LRRK2: variants seen among roughly 807,000 people sequenced by gnomAD.
The protein encoded by LRRK2 is leucine-rich repeat serine/threonine-protein kinase 2.
Under a neutral mutation model 302.6 loss-of-function variants are expected in LRRK2, and 203 were observed. The observed-to-expected ratio is 0.67, with a 90% CI of 0.60 to 0.75. The LOEUF (loss-of-function observed/expected upper bound fraction) is 0.75. LRRK2 is among the 30% of genes least tolerant of loss of function. LRRK2 has a pLI of 0.00. For synonymous variants in LRRK2, 1,066 were observed against 1,031.9 expected (o/e 1.03, Z -0.63); for missense variants, 2,830 against 2,951.0 (o/e 0.96, Z 0.95).
At chr12:40,287,244 G>T (rs1943962523) in intron 19 of LRRK2, 107 bp from the exon 20 acceptor site, 1 of 976,692 alleles carries the variant, frequency 1.0e-6, no homozygotes, top group East Asian at 2.6e-5. Context: ...AGGAAAAATA[G>T]AAATATTCTC....
chr12:40,275,044 T>C, intron 16 of LRRK2, 51 bp downstream of exon 16: 4 of 1,604,782 alleles, frequency 2.5e-6, no homozygotes, highest in Non-Finnish European at 3.4e-6. Flanking sequence ...AATTTCACTT[T>C]TGGAGCAGTT....
intron 34 of LRRK2, 64 bp from the exon 35 acceptor site, chr12:40,320,970 C>A: frequency 6.5e-7 from 1 of 1,549,066 alleles, no homozygotes; most frequent in South Asian, 1.1e-5. Context: ...GCAGTAAAAT[C>A]ATTTGCTCAA....
chr12:40,340,729 T>G (rs1946013490), intron 41 of LRRK2, among the ~76,000 whole-genome samples: 1 of 152,220 alleles, frequency 6.6e-6, no homozygotes, highest in African/African-American at 2.4e-5. Context: ...TGTAGATTCT[T>G]TAGATACTCT....
intron 18 of LRRK2, among the ~76,000 whole-genome samples, chr12:40,282,079 CCTTCCCTTCT>C (rs1943729019): frequency 1.1e-4 from 4 of 35,476 alleles, no homozygotes; most frequent in South Asian, 1.6e-3. Context: ...CCTTCCCTTC[CCTTCCCTTCT>C]CTTCCCTCCC....
chr12:40,267,229 C>T (rs1943056722), intron 14 of LRRK2, among the ~76,000 whole-genome samples: 1 of 152,180 alleles, frequency 6.6e-6, no homozygotes, highest in Admixed American at 6.6e-5. Flanking sequence ...CTGAAACTTA[C>T]TATATTGACA....
intron 2 of LRRK2, among the ~76,000 whole-genome samples, chr12:40,230,519 GCTCTACCTCTTC>G (rs560828366): frequency 6.5e-4 from 99 of 152,290 alleles, no homozygotes; most frequent in African/African-American, 2.2e-3. Flanking sequence ...TCTGGCTTAA[GCTCTACCTCTTC>G]ATATTATATT....
chr12:40,244,816 T>G (rs1195875676), intron 7 of LRRK2, among the ~76,000 whole-genome samples: 2 of 151,706 alleles, frequency 1.3e-5, no homozygotes, highest in African/African-American at 4.8e-5. Context: ...CGCACCAACA[T>G]GGCACATGTA....
chr12:40,265,324 T>C (rs1281730271), intron 14 of LRRK2, among the ~76,000 whole-genome samples: 1 of 152,198 alleles, frequency 6.6e-6, no homozygotes, highest in Non-Finnish European at 1.5e-5. Flanking sequence ...GAAACCTTGG[T>C]TCTTTTCTTT....
At chr12:40,297,822 TA>T (rs570998590) in intron 23 of LRRK2, among the ~76,000 whole-genome samples, 3 of 152,278 alleles carry the variant, frequency 2.0e-5, no homozygotes, top group African/African-American at 7.2e-5. Flanking sequence ...TAACTATTTT[TA>T]TAGTTAAATC....
At chr12:40,315,160 T>G in intron 32 of LRRK2, 52 bp from the exon 33 acceptor site, 93 of 1,440,296 alleles carry the variant, frequency 6.5e-5, no homozygotes, top group Non-Finnish European at 7.5e-5. Flanking sequence ...TAAAGCCCCT[T>G]GATATTTGTT....
intron 7 of LRRK2, among the ~76,000 whole-genome samples, chr12:40,248,726 C>G (rs1267956234): frequency 2.0e-5 from 3 of 152,166 alleles, no homozygotes; most frequent in African/African-American, 7.2e-5. Flanking sequence ...GAACATAAGT[C>G]CAGTCTTCCT....
rs1185350430 is a variant in LRRK2, at chr12:40,274,626, T to C, written c.1700T>C (p.Ile567Thr). Reference sequence around the variant, plus strand: ...ATTCAGAAATGTGGATTAAAAGTAATTTCTTCTATTGTACATTTTCCTGAT... The same window carrying C: ...ATTCAGAAATGTGGATTAAAAGTAACTTCTTCTATTGTACATTTTCCTGAT... ...PGIQKCGLKV[I>T]SSIVHFPDAL... Residue 567 changes from isoleucine (I) to threonine (T), a missense_variant, in exon 15 of 51, where the codon ATT becomes ACT. By Grantham distance (89) the Ile-to-Thr change is moderately conservative (BLOSUM62 -1). Coordinates refer to ENST00000298910, the MANE Select transcript of LRRK2 (RefSeq NM_198578.4). 2 of 1,613,988 alleles carry C rather than the reference T, an allele frequency of 1.2e-6. No individual in the cohort carries two copies. The highest frequency in any genetic ancestry group is 1.1e-5 in the South Asian group (1 of 91,082).
chr12:40,238,029 C>G lies in LRRK2; in HGVS notation c.497C>G (p.Ala166Gly), dbSNP rs2136421775. 1 of 1,613,292 alleles carries G rather than the reference C, an allele frequency of 6.2e-7. No homozygotes were observed. The highest frequency in any genetic ancestry group is 2.2e-5 in the East Asian group (1 of 44,836). ...GATATTTTCATGTTAATTTTTGATG[C>G]CATGCACTCATTTCCAGCCAATGAT... ...ESDIFMLIFDAMHSFPANDEV... is the reference protein window; with the variant it reads ...ESDIFMLIFDGMHSFPANDEV... Residue 166 changes from alanine (A) to glycine (G), a missense_variant, in exon 5 of 51, where the codon GCC (alanine) becomes GGC (glycine). This residue lies in a region of LRRK2 where 2,121 missense variants were observed against 2,148.0 expected (regional missense o/e 0.99). Transcript: ENST00000298910.
chr12:40,356,182 G>GTTAA lies in LRRK2; in HGVS notation c.6839_6842dup (p.Lys2281AsnfsTer2), dbSNP rs1346527954. On this transcript the variant is annotated frameshift_variant, in exon 46 of 51. Transcript: ENST00000298910. LOFTEE classifies it high-confidence loss of function. Reference sequence around the variant, plus strand: ...GTTAGCAATTTTTGAAGATAAGACTGTTAAGGTAAATGTTGAATGCATTCT... The same window carrying GTTAA: ...GTTAGCAATTTTTGAAGATAAGACTGTTAATTAAGGTAAATGTTGAATGCATTCT... 1 of 1,609,422 alleles carries GTTAA rather than the reference G, an allele frequency of 6.2e-7. No individual in the cohort carries two copies. Among genetic ancestry groups the GTTAA allele is most frequent in the Non-Finnish European group, 8.5e-7 (1 of 1,177,184 alleles).
chr12:40,320,668 A>G (rs1274696332), intron 34 of LRRK2, among the ~76,000 whole-genome samples: 1 of 152,094 alleles, frequency 6.6e-6, no homozygotes, highest in African/African-American at 2.4e-5. Flanking sequence ...TGAAATGTGC[A>G]AATTACATTG....
chr12:40,231,772 A>G (rs1941207901), intron 2 of LRRK2, among the ~76,000 whole-genome samples: 1 of 147,128 alleles, frequency 6.8e-6, no homozygotes, highest in South Asian at 2.1e-4. Flanking sequence ...TATATATATT[A>G]TATATTATGT....
intron 2 of LRRK2, among the ~76,000 whole-genome samples, chr12:40,226,221 T>C (rs1940873490): frequency 6.6e-6 from 1 of 152,206 alleles, no homozygotes; most frequent in Non-Finnish European, 1.5e-5. Flanking sequence ...GAAGTGAAAC[T>C]TTTACAATCT....
intron 3 of LRRK2, among the ~76,000 whole-genome samples, chr12:40,234,122 T>G (rs1225532210): frequency 1.3e-5 from 2 of 152,094 alleles, no homozygotes; most frequent in Non-Finnish European, 2.9e-5. Flanking sequence ...GCAGGGTGAT[T>G]AGGAGGAAGG....
chr12:40,328,460 A>G lies in LRRK2; in HGVS notation c.5757A>G (p.Gln1919=). ...ATACATCACTCAGGCTGTTAAGACA[A>G]GTAAGAAATTCAATAATATAATTAT... ...NKHTSLRLLR[Q]ELVVLCHLHH... The change falls in exon 39 of 51, where the codon CAA becomes CAG. Residue 1919 remains glutamine (Q), a splice_region_variant and synonymous_variant. Coordinates refer to ENST00000298910, the MANE Select transcript of LRRK2 (RefSeq NM_198578.4). The G allele has an allele frequency of 1.3e-6, 2 of 1,591,354 alleles. No homozygotes were observed. Among genetic ancestry groups the G allele is most frequent in the Non-Finnish European group, 1.7e-6 (2 of 1,161,034 alleles).
Sources: allele counts gnomAD v4.1 joint callset (sites outside exome capture counted in the v4.1 genomes callset), GRCh38; gene constraint gnomAD v4.1.1; regional missense constraint gnomAD v4.1.1; transcripts MANE v1.5; gene names NCBI Gene and HGNC (gene_info 2026-07-23, HGNC 2026-07-21).